The following RPS6KC1 variants were observed in gnomAD, a reference collection of about 807,000 sequenced individuals.
RPS6KC1 encodes ribosomal protein S6 kinase C1.
In RPS6KC1, 54 loss-of-function variants were observed where a neutral mutation model predicts 103.8. The observed-to-expected ratio is 0.52, with a 90% confidence interval of 0.42 to 0.65. The LOEUF is 0.65. Ranked by LOEUF, RPS6KC1 falls within the 30% of genes least tolerant of loss-of-function variation. The pLI is 0.00. For missense variants in RPS6KC1, 1,151 were observed against 1,253.8 expected (o/e 0.92, Z 1.24); for synonymous variants, 439 against 438.7 (o/e 1.00, Z -0.01).
chr1:213,742,279 A>G, the RPS6KC1 span, among the ~76,000 whole-genome samples: 49 of 152,246 alleles, frequency 3.2e-4, no homozygotes, highest in Non-Finnish European at 6.2e-4. Flanking sequence ...AGATCCACAG[A>G]TAATTTTGCT....
chr1:213,067,081 G>T (rs1270253755), intron 1 of RPS6KC1, among the ~76,000 whole-genome samples: 1 of 152,080 alleles, frequency 6.6e-6, no homozygotes, highest in African/African-American at 2.4e-5. Flanking sequence ...CCCTCCCCAC[G>T]TCGAGTTGTC....
At chr1:213,675,512 A>T in the RPS6KC1 span, among the ~76,000 whole-genome samples, 1 of 152,170 alleles carries the variant, frequency 6.6e-6, no homozygotes, top group Non-Finnish European at 1.5e-5. Context: ...TCCCAGCCCC[A>T]TTGCTTATTT....
chr1:213,709,283 G>A, the RPS6KC1 span, among the ~76,000 whole-genome samples: 8 of 152,166 alleles, frequency 5.3e-5, no homozygotes, highest in Non-Finnish European at 7.3e-5. Flanking sequence ...TCTTGGGAGG[G>A]TGTATGTGTC....
At chr1:213,347,101 T>C in the RPS6KC1 span, among the ~76,000 whole-genome samples, 1 of 152,184 alleles carries the variant, frequency 6.6e-6, no homozygotes, top group African/African-American at 2.4e-5. Context: ...GTAGACCTTT[T>C]CACAGGTACA....
the RPS6KC1 span, among the ~76,000 whole-genome samples, chr1:213,330,965 A>G: frequency 6.6e-6 from 1 of 152,228 alleles, no homozygotes; most frequent in Non-Finnish European, 1.5e-5. Context: ...CTGGAAAGGC[A>G]GAAAGAGAAG....
At chr1:213,352,005 T>C in the RPS6KC1 span, among the ~76,000 whole-genome samples, 1 of 151,842 alleles carries the variant, frequency 6.6e-6, no homozygotes, top group East Asian at 1.9e-4. Flanking sequence ...AATGAGGAGA[T>C]TGGTGACTTT....
chr1:213,429,499 C>G, the RPS6KC1 span, among the ~76,000 whole-genome samples: 1 of 152,184 alleles, frequency 6.6e-6, no homozygotes, highest in African/African-American at 2.4e-5. Flanking sequence ...ATTGCTCTTT[C>G]CCTCGCTACC....
chr1:213,193,938 AT>A (rs2092845035), intron 8 of RPS6KC1, among the ~76,000 whole-genome samples: 1 of 151,950 alleles, frequency 6.6e-6, no homozygotes. Context: ...TACGGTTATT[AT>A]TGTTTTGGGG....
rs202230285 is a variant in RPS6KC1 at position 213,176,510 on chromosome 1, C to G, written c.1044+18C>G. 3.2e-4 allele frequency: 485 copies of G among 1,511,822 alleles called. No individual in the cohort carries two copies. Among genetic ancestry groups the G allele is most frequent in the Non-Finnish European group, 4.3e-4 (473 of 1,093,482 alleles). The allele number at this position is 1,511,822 out of a possible 1,614,324, so 93.7% of individuals were successfully genotyped here. ...TTGACAAGGTAATTCTTCAGTGTCT[C>G]TTCAAGAGTTCAGTCATAAATCGAC... is the stretch of plus-strand genomic sequence containing the variant. On this transcript the variant is annotated intron_variant, in intron 8 of 14. Coordinates refer to ENST00000366960, the MANE Select transcript of RPS6KC1 (RefSeq NM_012424.6).
At chr1:213,054,499 G>C (rs753664431) in intron 1 of RPS6KC1, among the ~76,000 whole-genome samples, 2 of 152,130 alleles carry the variant, frequency 1.3e-5, no homozygotes, top group Non-Finnish European at 2.9e-5. Context: ...GTGCTCTCCT[G>C]AGAGAACTTC....
chr1:213,856,037 G>T, the RPS6KC1 span, among the ~76,000 whole-genome samples: 2 of 152,190 alleles, frequency 1.3e-5, no homozygotes, highest in African/African-American at 4.8e-5. Context: ...TGACGAGGGA[G>T]CCTGGCTGTC....
chr1:213,229,208 A>AT (rs1363135775), intron 8 of RPS6KC1, among the ~76,000 whole-genome samples: 1 of 152,144 alleles, frequency 6.6e-6, no homozygotes, highest in African/African-American at 2.4e-5. Flanking sequence ...AGTTGTCACT[A>AT]TTTTTTCAAC....
chr1:213,483,559 T>C, the RPS6KC1 span, among the ~76,000 whole-genome samples: 1 of 152,206 alleles, frequency 6.6e-6, no homozygotes, highest in Non-Finnish European at 1.5e-5. Flanking sequence ...ACTGCCAAAC[T>C]TTTTCAAAGG....
At chr1:213,188,035 C>T (rs2092604082) in intron 8 of RPS6KC1, among the ~76,000 whole-genome samples, 1 of 152,006 alleles carries the variant, frequency 6.6e-6, no homozygotes, top group African/African-American at 2.4e-5. Context: ...AGGTTTGTGC[C>T]CAGGAGTCCA....
chr1:213,474,257 G>A, the RPS6KC1 span, among the ~76,000 whole-genome samples: 16 of 152,134 alleles, frequency 1.1e-4, no homozygotes, highest in Non-Finnish European at 1.8e-4. Flanking sequence ...TCCTTGGCCC[G>A]GATCCCAGTT....
the RPS6KC1 span, among the ~76,000 whole-genome samples, chr1:213,468,538 G>C: frequency 6.6e-6 from 1 of 152,120 alleles, no homozygotes; most frequent in African/African-American, 2.4e-5. Flanking sequence ...AGTTTCTATA[G>C]GTTTCCTGAA....
At chr1:213,726,787 T>A in the RPS6KC1 span, among the ~76,000 whole-genome samples, 1 of 152,222 alleles carries the variant, frequency 6.6e-6, no homozygotes, top group Non-Finnish European at 1.5e-5. Context: ...GAAACATTAT[T>A]AAAATGAATG....
At chr1:213,738,619 T>A in the RPS6KC1 span, among the ~76,000 whole-genome samples, 2 of 151,934 alleles carry the variant, frequency 1.3e-5, no homozygotes, top group Non-Finnish European at 2.9e-5. Flanking sequence ...AATTAGAGAA[T>A]ATGTTGTCTT....
Position 213,245,876 on chromosome 1 carries a change from G to C in RPS6KC1, c.2911+3218G>C, listed in dbSNP as rs1010120544. ...CTTCTGTTATTTAAGTATAGTTTCT[G>C]CCAACTTAGTGATCCTAGATTTTAA... On this transcript the variant is annotated intron_variant, in intron 12 of 14. Coordinates refer to ENST00000366960, the MANE Select transcript of RPS6KC1 (RefSeq NM_012424.6). Among the ~76,000 whole-genome samples the C allele has an allele frequency of 2.0e-5, 3 of 152,112 alleles. No homozygotes were observed. The East Asian group carries it at 5.8e-4, about 29-fold the overall frequency.
Sources: gnomAD v4.1 joint callset for allele counts (sites outside exome capture counted in the v4.1 genomes callset) on GRCh38, gnomAD v4.1.1 for gene constraint, MANE v1.5 for transcripts, NCBI Gene and HGNC (gene_info 2026-07-23, HGNC 2026-07-21) for gene names.